Variants in AKAP11 observed in about 807,000 individuals in gnomAD.
AKAP11 encodes the protein A-kinase anchor protein 11.
AKAP11 carries 36 observed loss-of-function variants against 146.1 expected under a neutral mutation model. The ratio of observed to expected loss-of-function variants is 0.25; its 90% confidence interval spans 0.19 to 0.33. The LOEUF (loss-of-function observed/expected upper bound fraction) is 0.33, where lower values mean the gene tolerates loss of function less well. Ranked by LOEUF, AKAP11 falls within the 10% of genes least tolerant of loss-of-function variation. AKAP11 has a pLI of 1.00. For missense variants in AKAP11, 2,201 were observed against 2,197.0 expected (o/e 1.00, Z -0.04); for synonymous variants, 780 against 786.5 (o/e 0.99, Z 0.14).
chr13:42,278,742 T>A (rs1337890974), intron 1 of AKAP11, among the ~76,000 whole-genome samples: 1 of 152,242 alleles, frequency 6.6e-6, no homozygotes, highest in Non-Finnish European at 1.5e-5. Flanking sequence ...TTTCAGATGT[T>A]CTTTATTCCT....
intron 4 of AKAP11, among the ~76,000 whole-genome samples, chr13:42,293,751 G>A (rs527498544): frequency 2.0e-5 from 3 of 152,020 alleles, no homozygotes; most frequent in East Asian, 1.9e-4. Context: ...AAACTCCCCC[G>A]GCATCTTCAA....
chr13:42,316,932 G>C (rs1366391747), intron 11 of AKAP11, among the ~76,000 whole-genome samples: 2 of 152,168 alleles, frequency 1.3e-5, no homozygotes, highest in Non-Finnish European at 2.9e-5. Context: ...TGCCCAGGCT[G>C]GGTGGTGCAA....
Position 42,301,579 on chromosome 13 carries a change from T to C in AKAP11, c.2833T>C (p.Ser945Pro). ...KDMFADRLSK[S>P]IIKHSIDKSK... ...CATGTTTGCTGACCGGTTATCTAAATCTATTATTAAACATTCCATAGATAA... is the reference window on the plus strand; with the variant it reads ...CATGTTTGCTGACCGGTTATCTAAACCTATTATTAAACATTCCATAGATAA... Residue 945 changes from serine to proline, a missense_variant, in exon 8 of 13, where the codon TCT becomes CCT. By Grantham distance (74) the Ser-to-Pro change is moderately conservative. This residue lies in a region of AKAP11 where 1,867 missense variants were observed against 1,833.5 expected (regional missense o/e 1.02). Coordinates refer to ENST00000025301, the MANE Select transcript of AKAP11 (RefSeq NM_016248.4). The C allele has an allele frequency of 6.2e-7, 1 of 1,614,102 alleles. No individual in the cohort carries two copies. Among genetic ancestry groups the C allele is most frequent in the Non-Finnish European group, 8.5e-7 (1 of 1,179,994 alleles).
In AKAP11 at chr13:42,302,528, G is replaced by A; in HGVS notation, c.3782G>A (p.Gly1261Asp). The A allele has an allele frequency of 5.6e-6, 9 of 1,614,128 alleles. No individual in the cohort carries two copies. The South Asian group carries it at 9.9e-5, about 18-fold the overall frequency. ...TTGAAAACATTATGCAATTTTGCGG[G>A]TGATCTGGCAGCAGAAGTCATTACA... Reference protein sequence around the residue: ...ENLKTLCNFAGDLAAEVITEA... With the variant: ...ENLKTLCNFADDLAAEVITEA... Residue 1261 changes from glycine to aspartate, a missense_variant, in exon 8 of 13, where the codon GGT becomes GAT. By Grantham distance (94) the Gly-to-Asp change is moderately conservative. This residue lies in a region of AKAP11 where 1,867 missense variants were observed against 1,833.5 expected (regional missense o/e 1.02). Transcript: ENST00000025301.
intron 1 of AKAP11, among the ~76,000 whole-genome samples, chr13:42,274,528 T>TA (rs1352517612): frequency 6.6e-6 from 1 of 151,926 alleles, no homozygotes; most frequent in Non-Finnish European, 1.5e-5. Flanking sequence ...TACTAAAAAA[T>TA]AAAAAATTAG....
upstream of AKAP11, among the ~76,000 whole-genome samples, chr13:42,271,892 ACGT>A (rs1337435041): frequency 2.0e-5 from 3 of 151,332 alleles, no homozygotes; most frequent in African/African-American, 4.8e-5. Context: ...GCACTGGAGC[ACGT>A]GGGAAGGCTT....
chr13:42,309,769 G>C (rs1960460238), intron 9 of AKAP11, among the ~76,000 whole-genome samples: 1 of 152,070 alleles, frequency 6.6e-6, no homozygotes, highest in Admixed American at 6.6e-5. Context: ...CTAACATTTA[G>C]TTTCTTCTCT....
Position 42,300,043 on chromosome 13 carries a change from TCTC to T in AKAP11, c.1301_1303del (p.Pro434del), listed in dbSNP as rs1959765707. 3.1e-6 allele frequency: 5 copies of T among 1,613,920 alleles called. No homozygotes were observed. Among genetic ancestry groups the T allele is most frequent in the East Asian group, 2.2e-5 (1 of 44,876 alleles). ...TGGTAACCTGTGTGATGCTCCGGAT[TCTC>T]CTCGCCCAGTGAAGGCATCAAGGGA... On this transcript the variant is annotated inframe_deletion, in exon 8 of 13. Coordinates refer to ENST00000025301, the MANE Select transcript of AKAP11 (RefSeq NM_016248.4).
Position 42,292,480 on chromosome 13 carries a change from T to G in AKAP11, c.147T>G (p.Asp49Glu). 5.1e-6 allele frequency: 8 copies of G among 1,572,138 alleles called. No homozygotes were observed. Among genetic ancestry groups the G allele is most frequent in the Non-Finnish European group, 6.9e-6 (8 of 1,151,244 alleles). Residue 49 changes from aspartate to glutamate, a missense_variant, in exon 4 of 13, where the codon GAT becomes GAG. By Grantham distance (45) the Asp-to-Glu change is conservative. Transcript: ENST00000025301. ...SVTAEDCLQQ[D>E]EHANLTEVTF... ...CAGCAGAGGACTGTTTACAGCAGGA[T>G]GAGCATGCCAATTTAACTGAGGTTT...
chr13:42,303,490 C>T lies in AKAP11; in HGVS notation c.4744C>T (p.Leu1582Phe), dbSNP rs998069299. ...CACTTATGCAGAAAAGTTGTCACCT[C>T]TTACAGGTCAAGCTTGCAGATACTG... ...RVTYAEKLSP[L>F]TGQACRYCDL... is the part of the protein sequence containing the mutation. The change falls in exon 8 of 13, where the codon CTT becomes TTT. Residue 1582 changes from leucine (L) to phenylalanine (F), a missense_variant. By Grantham distance (22) the Leu-to-Phe change is conservative. Transcript: ENST00000025301. 3 of 1,614,098 alleles carry T rather than the reference C, an allele frequency of 1.9e-6. No homozygotes were observed. Among genetic ancestry groups the T allele is most frequent in the Non-Finnish European group, 2.5e-6 (3 of 1,180,040 alleles).
At chr13:42,278,715 T>TC (rs1958986102) in intron 1 of AKAP11, among the ~76,000 whole-genome samples, 2 of 152,190 alleles carry the variant, frequency 1.3e-5, no homozygotes, top group African/African-American at 4.8e-5. Context: ...TAACTTCTGT[T>TC]ACCCTCATAT....
Position 42,302,866 on chromosome 13 carries a change from C to G in AKAP11, c.4120C>G (p.Arg1374Gly). 6.2e-7 allele frequency: 1 copy of G among 1,613,790 alleles called. No homozygotes were observed. The highest frequency in any genetic ancestry group is 8.5e-7 in the Non-Finnish European group (1 of 1,179,978). Residue 1374 changes from arginine to glycine, a missense_variant, in exon 8 of 13, where the codon CGA becomes GGA. Arg to Gly is a moderately radical substitution (Grantham distance 125). Transcript: ENST00000025301. ...MDQYANRLAY[R>G]SVKSGLQEAA... ...TCAGTATGCCAATAGGCTTGCCTAC[C>G]GATCTGTTAAATCAGGATTACAGGA...
chr13:42,303,918 T>A, intron 8 of AKAP11, 55 bp downstream of exon 8: 1 of 1,504,454 alleles, frequency 6.6e-7, no homozygotes. Flanking sequence ...ATAAATGTGA[T>A]CCTATATGTC....
intron 5 of AKAP11, among the ~76,000 whole-genome samples, chr13:42,296,408 G>C (rs948605519): frequency 1.3e-5 from 2 of 152,054 alleles, no homozygotes; most frequent in African/African-American, 4.8e-5. Flanking sequence ...TTTCTTTAAT[G>C]TTCTTCTTCT....
intron 9 of AKAP11, among the ~76,000 whole-genome samples, chr13:42,310,952 C>T (rs1266606846): frequency 6.6e-6 from 1 of 151,720 alleles, no homozygotes; most frequent in Non-Finnish European, 1.5e-5. Context: ...AAAAAACACA[C>T]TAATTTCAGA....
At chr13:42,276,652 C>A (rs1281519770) in intron 1 of AKAP11, among the ~76,000 whole-genome samples, 3 of 152,206 alleles carry the variant, frequency 2.0e-5, no homozygotes, top group Non-Finnish European at 4.4e-5. Context: ...AATTTTCTTT[C>A]AGCATCCCAG....
At chr13:42,275,879 G>T (rs1453748574) in intron 1 of AKAP11, among the ~76,000 whole-genome samples, 1 of 152,200 alleles carries the variant, frequency 6.6e-6, no homozygotes, top group East Asian at 1.9e-4. Flanking sequence ...CGTGTGGCAG[G>T]TACTGTGATA....
At position 42,299,380 on chromosome 13, in the gene AKAP11, C is replaced by T. The variant is rs763588229; in HGVS notation, c.634C>T (p.Leu212=). The part of the protein sequence containing the change: ...PYNDGMNITV[L]RSQCDAASQT... ...TCCTATAGGAATGAACATTACTGTG[C>T]TAAGGAGCCAGTGTGATGCTGCTTC... Residue 212 remains leucine (L), a synonymous_variant, in exon 8 of 13, where the codon CTA becomes TTA. Coordinates refer to ENST00000025301, the MANE Select transcript of AKAP11 (RefSeq NM_016248.4). 2 of 1,613,124 alleles carry T rather than the reference C, an allele frequency of 1.2e-6. No homozygotes were observed. The highest frequency in any genetic ancestry group is 1.1e-5 in the South Asian group (1 of 90,988).
At chr13:42,272,677 C>T (rs1049700334) in intron 1 of AKAP11, among the ~76,000 whole-genome samples, 23 of 152,196 alleles carry the variant, frequency 1.5e-4, no homozygotes, top group Admixed American at 1.2e-3. Context: ...TCCCGAACAG[C>T]ATCCTTCACT....
Sources: allele counts gnomAD v4.1 joint callset (sites outside exome capture counted in the v4.1 genomes callset), GRCh38; gene constraint gnomAD v4.1.1; regional missense constraint gnomAD v4.1.1; transcripts MANE v1.5; gene names NCBI Gene and HGNC (gene_info 2026-07-23, HGNC 2026-07-21).